Variants in CDH12 observed in about 807,000 individuals in gnomAD.
CDH12 encodes cadherin-12.
A neutral mutation model predicts 74.1 loss-of-function variants in CDH12; 41 were observed. The observed-to-expected ratio is 0.55, with a 90% confidence interval of 0.43 to 0.72. The LOEUF is 0.72. CDH12 is among the 30% of genes least tolerant of loss of function. The pLI is 0.00. For missense variants in CDH12, 945 were observed against 977.2 expected (o/e 0.97, Z 0.44); for synonymous variants, 399 against 355.0 (o/e 1.12, Z -1.39).
chr5:22,259,728 G>A (rs1378363898), intron 3 of CDH12, among the ~76,000 whole-genome samples: 3 of 151,714 alleles, frequency 2.0e-5, no homozygotes, highest in African/African-American at 7.3e-5. Flanking sequence ...GATATGCAAA[G>A]GACTTTTTTT....
intron 1 of CDH12, among the ~76,000 whole-genome samples, chr5:22,797,151 T>G (rs1581009599): frequency 7.6e-6 from 1 of 131,308 alleles, no homozygotes; most frequent in African/African-American, 2.9e-5. Flanking sequence ...ATTATGAGGG[T>G]GGAGCCCCCA....
At chr5:22,670,234 G>C (rs578155605) in intron 1 of CDH12, among the ~76,000 whole-genome samples, 1 of 152,088 alleles carries the variant, frequency 6.6e-6, no homozygotes, top group East Asian at 1.9e-4. Flanking sequence ...GCCCAGGCTG[G>C]TCTCAAACTC....
chr5:22,513,909 C>A (rs1475692153), intron 1 of CDH12, among the ~76,000 whole-genome samples: 1 of 146,316 alleles, frequency 6.8e-6, no homozygotes, highest in Non-Finnish European at 1.5e-5. Flanking sequence ...GATCCTGCCA[C>A]TGCACTCCAG....
Position 22,017,270 on chromosome 5 carries a change from T to C in CDH12, c.232-41885A>G, listed in dbSNP as rs114051683. ...TCAAAAAGACTGTTCTGAGGGTTGC[T>C]GGCAAAGAATTGTACCAATGACCCT... is the stretch of plus-strand genomic sequence containing the variant. On this transcript the variant is annotated intron_variant, in intron 5 of 14. Coordinates refer to ENST00000382254, the MANE Select transcript of CDH12 (RefSeq NM_004061.5). Among the ~76,000 whole-genome samples the C allele has an allele frequency of 8.3e-3, 1,267 of 152,208 alleles. 30 individuals carry two copies. Among genetic ancestry groups the C allele is most frequent in the African/African-American group, 0.029 (1,202 of 41,506 alleles).
In CDH12 at chr5:22,157,003, A is replaced by G. The variant is rs143966162; in HGVS notation, c.-187+55495T>C. ...CAAGTCTCTATGCTATCTGAACTCTAGTATTAACAGGTGAAAAATGACATG... is the reference window on the plus strand; with the variant it reads ...CAAGTCTCTATGCTATCTGAACTCTGGTATTAACAGGTGAAAAATGACATG... On this transcript the variant is annotated intron_variant, in intron 4 of 14. Transcript: ENST00000382254. 6.9e-3 allele frequency among the ~76,000 whole-genome samples: 1,051 copies of G among 152,270 alleles called. 11 individuals carry two copies. The highest frequency in any genetic ancestry group is 0.024 in the African/African-American group (1,004 of 41,574).
At chr5:21,964,466 C>T (rs984388595) in intron 6 of CDH12, among the ~76,000 whole-genome samples, 19 of 151,972 alleles carry the variant, frequency 1.3e-4, no homozygotes, top group Non-Finnish European at 2.2e-4. Context: ...CTAGAATTAG[C>T]ACTAGTTACC....
At chr5:22,728,475 G>T (rs1431014603) in intron 1 of CDH12, among the ~76,000 whole-genome samples, 1 of 151,688 alleles carries the variant, frequency 6.6e-6, no homozygotes, top group Non-Finnish European at 1.5e-5. Context: ...TTTCGTGCTG[G>T]ATATTTCATT....
intron 3 of CDH12, among the ~76,000 whole-genome samples, chr5:22,311,899 C>A (rs1738410156): frequency 6.6e-6 from 1 of 151,900 alleles, no homozygotes; most frequent in Non-Finnish European, 1.5e-5. Context: ...ATTTAAAGAA[C>A]ATGTTTACAT....
At chr5:22,250,465 T>C (rs1003383258) in intron 3 of CDH12, among the ~76,000 whole-genome samples, 1 of 152,132 alleles carries the variant, frequency 6.6e-6, no homozygotes, top group African/African-American at 2.4e-5. Context: ...TAATCGTGGA[T>C]ATCGCCTTTT....
At chr5:21,872,297 C>CA (rs1561259890) in intron 6 of CDH12, among the ~76,000 whole-genome samples, 246 of 152,284 alleles carry the variant, frequency 1.6e-3, no homozygotes, top group African/African-American at 5.7e-3. Context: ...ATATTTCAGA[C>CA]TATACATATT....
chr5:22,828,474 T>A (rs905391797), intron 1 of CDH12, among the ~76,000 whole-genome samples: 2 of 152,202 alleles, frequency 1.3e-5, no homozygotes, highest in African/African-American at 4.8e-5. Context: ...AGTTAAAGGT[T>A]ATATACATAC....
intron 2 of CDH12, among the ~76,000 whole-genome samples, chr5:22,465,912 C>T (rs923656131): frequency 6.6e-6 from 1 of 152,154 alleles, no homozygotes; most frequent in Non-Finnish European, 1.5e-5. Context: ...AGAATTTATT[C>T]TTTCCATGAG....
At chr5:22,398,411 A>G (rs772969007) in intron 3 of CDH12, among the ~76,000 whole-genome samples, 1 of 152,116 alleles carries the variant, frequency 6.6e-6, no homozygotes, top group Non-Finnish European at 1.5e-5. Flanking sequence ...ACTTCTAGCT[A>G]GGAATAACAC....
intron 9 of CDH12, among the ~76,000 whole-genome samples, chr5:21,808,399 C>T (rs1396963694): frequency 6.6e-6 from 1 of 151,782 alleles, no homozygotes; most frequent in Non-Finnish European, 1.5e-5. Flanking sequence ...CACAGTAAAG[C>T]CATCACTTTT....
chr5:22,366,158 T>C (rs913444948), intron 3 of CDH12, among the ~76,000 whole-genome samples: 1 of 152,018 alleles, frequency 6.6e-6, no homozygotes, highest in South Asian at 2.1e-4. Flanking sequence ...GGGTTTTCAC[T>C]GTGTTGACCA....
chr5:22,144,662 T>C (rs1747040114), intron 4 of CDH12, among the ~76,000 whole-genome samples: 1 of 152,122 alleles, frequency 6.6e-6, no homozygotes, highest in South Asian at 2.1e-4. Context: ...TTAGATTAAC[T>C]GGTAAGAATC....
At chr5:22,716,417 C>G (rs1197231520) in intron 1 of CDH12, among the ~76,000 whole-genome samples, 2 of 126,982 alleles carry the variant, frequency 1.6e-5, no homozygotes, top group Non-Finnish European at 3.5e-5. Context: ...TAACTTGCTG[C>G]AACGTACTAC....
chr5:22,033,955 A>G (rs979818175), intron 5 of CDH12, among the ~76,000 whole-genome samples: 4 of 152,170 alleles, frequency 2.6e-5, no homozygotes. Context: ...CATGAATGTA[A>G]TGAGTGTGAA....
At chr5:21,755,256 T>C (rs577743197) in intron 14 of CDH12, among the ~76,000 whole-genome samples, 1 of 152,316 alleles carries the variant, frequency 6.6e-6, no homozygotes, top group East Asian at 1.9e-4. Flanking sequence ...GAAGTTGTTG[T>C]AAATGGATAT....
Sources: allele counts gnomAD v4.1 joint callset (sites outside exome capture counted in the v4.1 genomes callset), GRCh38; gene constraint gnomAD v4.1.1; transcripts MANE v1.5; gene names NCBI Gene and HGNC (gene_info 2026-07-23, HGNC 2026-07-21).